TMEM131: variants seen among roughly 807,000 people sequenced by gnomAD.
TMEM131 encodes the protein 2610524E03Rik.
In TMEM131, 66 loss-of-function variants were observed where a neutral mutation model predicts 211.6. That is an observed-to-expected ratio of 0.31 (90% CI 0.26 to 0.38). The LOEUF (loss-of-function observed/expected upper bound fraction) is 0.38, where lower values mean the gene tolerates loss of function less well. Ranked by LOEUF, TMEM131 falls within the 10% of genes least tolerant of loss-of-function variation. The pLI is 1.00. For missense variants in TMEM131, 2,036 were observed against 2,299.3 expected, an observed-to-expected ratio of 0.89 and a Z score of 2.34; for synonymous variants, 844 against 841.3, an observed-to-expected ratio of 1.00 and a Z score of -0.06.
intron 4 of TMEM131, among the ~76,000 whole-genome samples, chr2:97,874,172 G>A (rs948331026): frequency 3.8e-5 from 5 of 131,522 alleles, no homozygotes; most frequent in African/African-American, 1.2e-4. Flanking sequence ...CAAGATTAGA[G>A]AAAAAGGAAT....
chr2:97,826,631 TGA>T (rs1388266254), intron 11 of TMEM131, among the ~76,000 whole-genome samples: 1 of 140,780 alleles, frequency 7.1e-6, no homozygotes, highest in Non-Finnish European at 1.6e-5. Context: ...AGAGAAACAG[TGA>T]GAGAGGGGAA....
chr2:97,778,588 A>G (rs1679842709), intron 31 of TMEM131, among the ~76,000 whole-genome samples: 1 of 152,070 alleles, frequency 6.6e-6, no homozygotes, highest in South Asian at 2.1e-4. Flanking sequence ...AGAGTAATTT[A>G]CCCTTTTTAT....
intron 4 of TMEM131, among the ~76,000 whole-genome samples, chr2:97,861,243 G>A (rs1674056043): frequency 6.6e-6 from 1 of 152,106 alleles, no homozygotes. Context: ...GCCGTGCTGG[G>A]CTTGGAGCCA....
intron 11 of TMEM131, among the ~76,000 whole-genome samples, chr2:97,832,201 T>G (rs747970845): frequency 8.9e-4 from 136 of 152,140 alleles, no homozygotes; most frequent in Non-Finnish European, 1.6e-3. Context: ...AGGACAAACA[T>G]GGGCCTATTT....
Sources: allele counts gnomAD v4.1 joint callset (sites outside exome capture counted in the v4.1 genomes callset), GRCh38; gene constraint gnomAD v4.1.1; transcripts MANE v1.5; gene names NCBI Gene and HGNC (gene_info 2026-07-23, HGNC 2026-07-21).